Variants in RBFOX1 observed in about 807,000 individuals in gnomAD.
The protein encoded by RBFOX1 is RNA binding fox-1 homolog 1, also known as RNA binding protein fox-1 homolog 1.
Under a neutral mutation model 57.7 loss-of-function variants are expected in RBFOX1, and 8 were observed. That is an observed-to-expected ratio of 0.14 (90% confidence interval 0.08 to 0.25). The LOEUF is 0.25. RBFOX1 is among the 10% of genes least tolerant of loss of function. RBFOX1 has a pLI of 1.00. For synonymous variants in RBFOX1, 326 were observed against 222.4 expected (o/e 1.47, Z -4.15); for missense variants, 611 against 548.5 (o/e 1.11, Z -1.14).
intron 4 of RBFOX1, among the ~76,000 whole-genome samples, chr16:7,356,867 G>C (rs1251485037): frequency 2.6e-5 from 4 of 152,180 alleles, no homozygotes; most frequent in African/African-American, 9.7e-5. Flanking sequence ...TTCAGTATCT[G>C]GGTCACAGCT....
At chr16:7,346,633 G>A (rs549849264) in intron 4 of RBFOX1, among the ~76,000 whole-genome samples, 218 of 151,872 alleles carry the variant, frequency 1.4e-3, no homozygotes, top group African/African-American at 4.8e-3. Context: ...TGTGGCCCAC[G>A]GGCATTGCTT....
chr16:6,037,939 C>G (rs954806134), intron 1 of RBFOX1: 2 of 151,972 alleles, frequency 1.3e-5, no homozygotes, highest in Non-Finnish European at 1.5e-5. Context: ...AAAAGACTTG[C>G]AGTTTTGGTT....
At chr16:5,551,328 G>A (rs2045455256) in intron 2 of RBFOX1, among the ~76,000 whole-genome samples, 2 of 152,186 alleles carry the variant, frequency 1.3e-5, no homozygotes, top group Non-Finnish European at 2.9e-5. Context: ...TCTGCCCAGA[G>A]TGGGATACAT....
At chr16:5,321,971 G>A (rs530096797) in intron 1 of RBFOX1, among the ~76,000 whole-genome samples, 15 of 152,142 alleles carry the variant, frequency 9.9e-5, no homozygotes, top group South Asian at 2.1e-4. Flanking sequence ...ACTCCCTCTC[G>A]TCTCACCTTC....
chr16:6,357,803 T>C (rs985192140), intron 2 of RBFOX1, among the ~76,000 whole-genome samples: 1 of 151,818 alleles, frequency 6.6e-6, no homozygotes, highest in African/African-American at 2.4e-5. Context: ...TTACAAAAAT[T>C]AGCCGGGCGT....
chr16:5,906,826 T>A (rs866116159), intron 4 of RBFOX1, among the ~76,000 whole-genome samples: 4 of 138,220 alleles, frequency 2.9e-5, no homozygotes, highest in South Asian at 4.9e-4. Context: ...CCTCCACCTC[T>A]CGGGGTCAAG....
At chr16:7,519,249 C>T (rs2077025096) in intron 5 of RBFOX1, among the ~76,000 whole-genome samples, 1 of 152,130 alleles carries the variant, frequency 6.6e-6, no homozygotes, top group East Asian at 1.9e-4. Context: ...GCTTCTTTAC[C>T]TTAGCCTAAT....
chr16:6,666,784 A>G (rs2098735861), intron 3 of RBFOX1, among the ~76,000 whole-genome samples: 1 of 152,142 alleles, frequency 6.6e-6, no homozygotes, highest in Non-Finnish European at 1.5e-5. Flanking sequence ...CATAACAGGA[A>G]AAACCTTGGC....
chr16:7,239,997 A>C (rs2093976887), intron 4 of RBFOX1, among the ~76,000 whole-genome samples: 1 of 152,028 alleles, frequency 6.6e-6, no homozygotes, highest in African/African-American at 2.4e-5. Flanking sequence ...GACTGAGCCT[A>C]GCTCTGTCGC....
intron 2 of RBFOX1, among the ~76,000 whole-genome samples, chr16:6,368,136 A>G (rs2089931105): frequency 6.6e-6 from 1 of 152,098 alleles, no homozygotes; most frequent in Non-Finnish European, 1.5e-5. Flanking sequence ...TTTCACATTC[A>G]TTGGCTGTTT....
At position 5,530,542 on chromosome 16, in the gene RBFOX1, G is replaced by A. The variant is rs77094842; in HGVS notation, c.258+63288G>A. 2.1e-3 allele frequency among the ~76,000 whole-genome samples: 317 copies of A among 151,792 alleles called. 2 individuals carry two copies. The highest frequency in any genetic ancestry group is 6.8e-3 in the Middle Eastern group (2 of 294). On this transcript the variant is annotated intron_variant, in intron 2 of 2. Coordinates refer to the RBFOX1 transcript ENST00000585867. The stretch of plus-strand genomic sequence containing the variant: ...GTGTTCAGTAGGTGTTACTCTCTGC[G>A]GCAGCGTTTCTTAACATCTACACTG...
intron 5 of RBFOX1, among the ~76,000 whole-genome samples, chr16:7,532,955 A>G (rs1039868317): frequency 6.6e-6 from 1 of 152,254 alleles, no homozygotes; most frequent in Non-Finnish European, 1.5e-5. Flanking sequence ...TTGGACTCAC[A>G]TTAATTAATT....
At chr16:6,250,960 C>G (rs1166620692) in intron 1 of RBFOX1, among the ~76,000 whole-genome samples, 1 of 151,850 alleles carries the variant, frequency 6.6e-6, no homozygotes, top group African/African-American at 2.4e-5. Context: ...TTTTTCACAC[C>G]CAATTTGATG....
chr16:7,487,924 C>T (rs2151432107), intron 4 of RBFOX1, among the ~76,000 whole-genome samples: 1 of 152,312 alleles, frequency 6.6e-6, no homozygotes, highest in South Asian at 2.1e-4. Context: ...CCGATAATTT[C>T]TGCTCAGGGA....
chr16:5,856,187 C>CTATATATATA (rs1200113050), intron 3 of RBFOX1, among the ~76,000 whole-genome samples: 9 of 31,060 alleles, frequency 2.9e-4, no homozygotes, highest in Admixed American at 9.5e-4. Flanking sequence ...CTCTCTCTCT[C>CTATATATATA]TATATATATA....
chr16:5,654,243 CA>C (rs1263359906), intron 3 of RBFOX1, among the ~76,000 whole-genome samples: 1 of 152,134 alleles, frequency 6.6e-6, no homozygotes, highest in Non-Finnish European at 1.5e-5. Flanking sequence ...TAAAGTGCAT[CA>C]AGCTGTTCTT....
chr16:5,577,373 C>T (rs902539714), intron 2 of RBFOX1, among the ~76,000 whole-genome samples: 7 of 152,106 alleles, frequency 4.6e-5, no homozygotes, highest in African/African-American at 1.4e-4. Context: ...GGGGGGGTCT[C>T]ACCTCCTCAC....
intron 3 of RBFOX1, among the ~76,000 whole-genome samples, chr16:6,772,616 T>C (rs766739372): frequency 1.3e-5 from 2 of 150,222 alleles, no homozygotes; most frequent in Non-Finnish European, 1.5e-5. Flanking sequence ...TGTGAGTGTA[T>C]GTGTATGTGT....
At chr16:6,994,447 T>C (rs865824166) in intron 3 of RBFOX1, among the ~76,000 whole-genome samples, 14 of 152,160 alleles carry the variant, frequency 9.2e-5, no homozygotes, top group South Asian at 4.1e-4. Context: ...CCCCCAGCTC[T>C]CTCTTTTTAA....
Sources: allele counts gnomAD v4.1 joint callset (sites outside exome capture counted in the v4.1 genomes callset), GRCh38; gene constraint gnomAD v4.1.1; transcripts MANE v1.5; gene names NCBI Gene and HGNC (gene_info 2026-07-23, HGNC 2026-07-21).